The following SLIT3 variants were observed in gnomAD, a reference collection of about 807,000 sequenced individuals.
SLIT3 encodes the protein slit homolog 3 protein.
SLIT3 carries 68 observed loss-of-function variants against 184.0 expected under a neutral mutation model. That is an observed-to-expected ratio of 0.37 (90% CI 0.30 to 0.45). The LOEUF (loss-of-function observed/expected upper bound fraction) is 0.45. SLIT3 is among the 20% of genes least tolerant of loss of function. SLIT3 has a pLI of 1.00. For missense variants in SLIT3, 1,707 were observed against 2,026.0 expected, an observed-to-expected ratio of 0.84 and a Z score of 3.02; for synonymous variants, 831 against 828.6, an observed-to-expected ratio of 1.00 and a Z score of -0.05.
At chr5:168,755,667 C>T (rs560389719) in intron 16 of SLIT3, among the ~76,000 whole-genome samples, 2 of 152,118 alleles carry the variant, frequency 1.3e-5, no homozygotes, top group South Asian at 2.1e-4. Context: ...AACTCCAGAC[C>T]TCAGGTGATT....
At chr5:168,778,930 T>C (rs997103737) in intron 12 of SLIT3, among the ~76,000 whole-genome samples, 1 of 152,138 alleles carries the variant, frequency 6.6e-6, no homozygotes, top group Non-Finnish European at 1.5e-5. Context: ...CAGTGATCTT[T>C]TGGGGCCACC....
chr5:169,283,154 C>T (rs566032564), intron 1 of SLIT3, among the ~76,000 whole-genome samples: 70 of 152,200 alleles, frequency 4.6e-4, no homozygotes, highest in Non-Finnish European at 8.7e-4. Context: ...CCAAAGGCCA[C>T]GCATAATCTT....
At chr5:168,752,901 G>A (rs1754764177) in intron 18 of SLIT3, 54 bp downstream of exon 18, 2 of 1,558,000 alleles carry the variant, frequency 1.3e-6, no homozygotes, top group South Asian at 1.1e-5. Flanking sequence ...GGAGGAGAGA[G>A]CGCTGCAGAG....
At chr5:169,039,431 C>G (rs1178174867) in intron 4 of SLIT3, among the ~76,000 whole-genome samples, 2 of 151,782 alleles carry the variant, frequency 1.3e-5, no homozygotes, top group Non-Finnish European at 2.9e-5. Flanking sequence ...ATTCTCCTGC[C>G]TCAGCCTCCT....
At chr5:168,708,166 C>T (rs754755209) in intron 25 of SLIT3, 66 bp from the exon 26 acceptor site, 7 of 1,610,568 alleles carry the variant, frequency 4.3e-6, no homozygotes, top group Admixed American at 1.7e-5. Flanking sequence ...CCTCCCTTCC[C>T]CTCTGCTCTG....
At chr5:169,006,884 T>C (rs1278444326) in intron 4 of SLIT3, among the ~76,000 whole-genome samples, 2 of 152,110 alleles carry the variant, frequency 1.3e-5, no homozygotes, top group African/African-American at 4.8e-5. Flanking sequence ...GCCTGAGGCA[T>C]GCCCTGGGCA....
intron 4 of SLIT3, among the ~76,000 whole-genome samples, chr5:168,961,446 A>G (rs936471770): frequency 2.0e-5 from 3 of 152,236 alleles, no homozygotes; most frequent in Admixed American, 6.5e-5. Flanking sequence ...TGAGAGTGGG[A>G]GGTGAGAGCC....
chr5:169,014,555 G>A (rs939693512), intron 4 of SLIT3, among the ~76,000 whole-genome samples: 7 of 152,298 alleles, frequency 4.6e-5, no homozygotes, highest in East Asian at 1.9e-4. Context: ...ACTTTCCTTC[G>A]CTCCTCTGAG....
chr5:169,087,874 C>G (rs1007153877), intron 4 of SLIT3, among the ~76,000 whole-genome samples: 1 of 152,102 alleles, frequency 6.6e-6, no homozygotes, highest in Non-Finnish European at 1.5e-5. Context: ...CTTTGATAAT[C>G]AAAAATAAGT....
chr5:169,051,569 A>G (rs1757816269), intron 4 of SLIT3, among the ~76,000 whole-genome samples: 1 of 152,192 alleles, frequency 6.6e-6, no homozygotes, highest in Non-Finnish European at 1.5e-5. Context: ...TAAAAATTAA[A>G]AGGGATCCCA....
intron 1 of SLIT3, among the ~76,000 whole-genome samples, chr5:169,269,312 T>C (rs1766515713): frequency 6.6e-6 from 1 of 152,238 alleles, no homozygotes; most frequent in South Asian, 2.1e-4. Flanking sequence ...CAACCGGCCT[T>C]GGCCCAAGAC....
chr5:168,939,578 TCTC>T (rs900425267), intron 4 of SLIT3, among the ~76,000 whole-genome samples: 9 of 152,168 alleles, frequency 5.9e-5, no homozygotes, highest in African/African-American at 1.9e-4. Context: ...CTTTAAGAGT[TCTC>T]CTATAAAATA....
chr5:169,195,404 C>T (rs939964052), intron 3 of SLIT3, among the ~76,000 whole-genome samples: 52 of 152,178 alleles, frequency 3.4e-4, no homozygotes, highest in African/African-American at 1.1e-3. Context: ...AGCCATGCAG[C>T]GAGTGGGTAA....
chr5:168,675,936 C>T (rs142342759), intron 32 of SLIT3, among the ~76,000 whole-genome samples: 3 of 152,264 alleles, frequency 2.0e-5, no homozygotes, highest in East Asian at 3.9e-4. Flanking sequence ...ACCATCCATT[C>T]AACCATCTAT....
At chr5:169,154,067 G>T (rs553586750) in intron 4 of SLIT3, among the ~76,000 whole-genome samples, 30 of 151,746 alleles carry the variant, frequency 2.0e-4, no homozygotes, top group Non-Finnish European at 3.7e-4. Flanking sequence ...CCACCTCCTG[G>T]GTTCACGCCA....
At chr5:169,216,699 T>C (rs1178249788) in intron 3 of SLIT3, among the ~76,000 whole-genome samples, 1 of 152,134 alleles carries the variant, frequency 6.6e-6, no homozygotes, top group African/African-American at 2.4e-5. Context: ...ATGCTACCTG[T>C]GAGGATGTGA....
chr5:168,694,526 G>A (rs1761995658), intron 28 of SLIT3, among the ~76,000 whole-genome samples: 1 of 152,230 alleles, frequency 6.6e-6, no homozygotes, highest in African/African-American at 2.4e-5. Context: ...TCCGCTCTCA[G>A]AAGATGAAAG....
At chr5:168,957,593 T>C (rs1033332646) in intron 4 of SLIT3, among the ~76,000 whole-genome samples, 12 of 152,190 alleles carry the variant, frequency 7.9e-5, no homozygotes, top group African/African-American at 2.9e-4. Context: ...CCGCTTTGAA[T>C]AGCCAGGGCC....
At chr5:169,097,580 A>T (rs1201390772) in intron 4 of SLIT3, among the ~76,000 whole-genome samples, 1 of 152,118 alleles carries the variant, frequency 6.6e-6, no homozygotes, top group African/African-American at 2.4e-5. Flanking sequence ...AACTGTTAAA[A>T]CTATCAAAGG....
Sources: allele counts gnomAD v4.1 joint callset (sites outside exome capture counted in the v4.1 genomes callset), GRCh38; gene constraint gnomAD v4.1.1; transcripts MANE v1.5; gene names NCBI Gene and HGNC (gene_info 2026-07-23, HGNC 2026-07-21).